EHBP1: variants seen among roughly 807,000 people sequenced by gnomAD.
EHBP1 encodes the protein EH domain-binding protein 1.
Under a neutral mutation model 144.0 loss-of-function variants are expected in EHBP1, and 55 were observed. The ratio of observed to expected loss-of-function variants is 0.38; its 90% CI spans 0.31 to 0.48. The LOEUF (loss-of-function observed/expected upper bound fraction) is 0.48. EHBP1 is among the 20% of genes least tolerant of loss of function. The pLI, the probability that EHBP1 is intolerant of heterozygous loss-of-function variation, is 0.98. For missense variants in EHBP1, 1,200 were observed against 1,364.2 expected (o/e 0.88, Z 1.90); for synonymous variants, 469 against 472.7 (o/e 0.99, Z 0.10).
intron 1 of EHBP1, among the ~76,000 whole-genome samples, chr2:62,696,377 G>T (rs1265480742): frequency 1.3e-5 from 2 of 151,468 alleles, no homozygotes; most frequent in East Asian, 1.9e-4. Context: ...CACTGTGTTG[G>T]CCAGGCTGGT....
intron 10 of EHBP1, among the ~76,000 whole-genome samples, chr2:62,912,963 C>G (rs2054340402): frequency 6.6e-6 from 1 of 152,118 alleles, no homozygotes; most frequent in African/African-American, 2.4e-5. Flanking sequence ...GTAAGAGATG[C>G]CAAGTGTGGA....
chr2:63,004,181 A>T (rs2059945690), intron 19 of EHBP1, among the ~76,000 whole-genome samples: 2 of 152,062 alleles, frequency 1.3e-5, no homozygotes, highest in East Asian at 3.9e-4. Flanking sequence ...AAATTTAAAG[A>T]CTGGCATGCC....
intron 19 of EHBP1, among the ~76,000 whole-genome samples, chr2:63,036,001 ACCATTAGT>A (rs2061427811): frequency 6.6e-6 from 1 of 152,044 alleles, no homozygotes; most frequent in Admixed American, 6.6e-5. Context: ...TCGGCTTCGT[ACCATTAGT>A]TTTAACAGCA....
intron 5 of EHBP1, among the ~76,000 whole-genome samples, chr2:62,785,345 C>A (rs1279227953): frequency 6.6e-6 from 1 of 152,078 alleles, no homozygotes; most frequent in Non-Finnish European, 1.5e-5. Context: ...ATTCAGTTAT[C>A]CAAGTAACAG....
intron 3 of EHBP1, among the ~76,000 whole-genome samples, chr2:62,754,009 C>T (rs1245831051): frequency 1.3e-5 from 2 of 152,182 alleles, no homozygotes; most frequent in South Asian, 2.1e-4. Flanking sequence ...TGTCATGATC[C>T]GTCCAGGTTT....
intron 19 of EHBP1, among the ~76,000 whole-genome samples, chr2:63,014,607 T>C (rs1195690058): frequency 6.6e-6 from 1 of 152,310 alleles, no homozygotes; most frequent in African/African-American, 2.4e-5. Flanking sequence ...ATAAGAGTAG[T>C]CAACTCCATT....
chr2:62,742,096 A>G (rs2152112077), intron 2 of EHBP1, among the ~76,000 whole-genome samples: 1 of 152,276 alleles, frequency 6.6e-6, no homozygotes, highest in East Asian at 1.9e-4. Flanking sequence ...TTTCTAGCCT[A>G]GGAGTGATAG....
At chr2:62,988,390 A>G (rs1323992218) in intron 15 of EHBP1, among the ~76,000 whole-genome samples, 2 of 152,112 alleles carry the variant, frequency 1.3e-5, no homozygotes, top group African/African-American at 4.8e-5. Flanking sequence ...TCCACATGTA[A>G]ATCCAAACCA....
intron 1 of EHBP1, among the ~76,000 whole-genome samples, chr2:62,693,322 G>A (rs991237625): frequency 1.3e-5 from 2 of 152,054 alleles, no homozygotes; most frequent in African/African-American, 4.8e-5. Context: ...CAATACACAT[G>A]GGAGTGCAGA....
At chr2:62,753,804 A>G (rs2039992926) in intron 3 of EHBP1, among the ~76,000 whole-genome samples, 1 of 152,068 alleles carries the variant, frequency 6.6e-6, no homozygotes, top group African/African-American at 2.4e-5. Flanking sequence ...AAGCTTGTGC[A>G]TTTGTCACGT....
chr2:62,908,338 T>C, intron 10 of EHBP1, among the ~76,000 whole-genome samples: 1 of 152,158 alleles, frequency 6.6e-6, no homozygotes, highest in East Asian at 1.9e-4. Flanking sequence ...GTTTTCACTT[T>C]CTTTTTTACC....
chr2:62,922,915 G>A (rs577365756), intron 10 of EHBP1, among the ~76,000 whole-genome samples: 1 of 152,304 alleles, frequency 6.6e-6, no homozygotes, highest in Admixed American at 6.5e-5. Flanking sequence ...CCTTACAACA[G>A]TATAGTTGTT....
At chr2:63,005,558 A>G (rs2060003925) in intron 19 of EHBP1, among the ~76,000 whole-genome samples, 1 of 152,088 alleles carries the variant, frequency 6.6e-6, no homozygotes, top group African/African-American at 2.4e-5. Context: ...CTGTAAGCTT[A>G]AAGAATAAGA....
intron 9 of EHBP1, among the ~76,000 whole-genome samples, chr2:62,870,738 C>CATATATATATATATATATATAT (rs756481712): frequency 4.3e-5 from 6 of 139,090 alleles, no homozygotes; most frequent in African/African-American, 1.1e-4. Flanking sequence ...AAAAAAAATA[C>CATATATATATATATATATATAT]ATATATATAT....
At chr2:62,703,270 G>A (rs1417310486), upstream of EHBP1, among the ~76,000 whole-genome samples, 1 of 152,100 alleles carries the variant, frequency 6.6e-6, no homozygotes, top group Non-Finnish European at 1.5e-5. Context: ...GGGAGGTTGA[G>A]GTGGGAGGAC....
intron 15 of EHBP1, among the ~76,000 whole-genome samples, chr2:62,982,941 A>G (rs960777100): frequency 1.3e-5 from 2 of 152,192 alleles, no homozygotes; most frequent in South Asian, 4.1e-4. Flanking sequence ...ATATTCAGGC[A>G]ATCAAGAGAC....
At chr2:62,713,444 A>G (rs558836880) in intron 2 of EHBP1, among the ~76,000 whole-genome samples, 59 of 151,954 alleles carry the variant, frequency 3.9e-4, no homozygotes, top group African/African-American at 1.3e-3. Flanking sequence ...GGGTTTTGCT[A>G]TGTTGGCCAG....
At position 62,909,282 on chromosome 2, in the gene EHBP1, G is replaced by A. The variant is rs1042179407; in HGVS notation, c.1186-33436G>A. Among the ~76,000 whole-genome samples, 13 of 152,086 alleles carry A rather than the reference G, an allele frequency of 8.5e-5. 1 individual carries two copies. The highest frequency in any genetic ancestry group is 6.8e-3 in the Middle Eastern group (2 of 294). On this transcript the variant is annotated intron_variant, in intron 10 of 22. Transcript: ENST00000431489. ...CAACCTCCACCTCCCAGGCTCTCAA[G>A]CGAGATCTTCCCACCTCAGCCTCCC...
At chr2:62,886,862 A>G (rs1474751955) in intron 10 of EHBP1, among the ~76,000 whole-genome samples, 3 of 152,150 alleles carry the variant, frequency 2.0e-5, no homozygotes, top group Non-Finnish European at 4.4e-5. Context: ...TAAAATATAT[A>G]TATGTTGACC....
Sources: gnomAD v4.1 joint callset for allele counts (sites outside exome capture counted in the v4.1 genomes callset) on GRCh38, gnomAD v4.1.1 for gene constraint, MANE v1.5 for transcripts, NCBI Gene and HGNC (gene_info 2026-07-23, HGNC 2026-07-21) for gene names.